The following EPPIN variants were observed in gnomAD, a reference collection of about 807,000 sequenced individuals.
EPPIN encodes WAP four-disulfide core domain protein 7.
A neutral mutation model predicts 18.8 loss-of-function variants in EPPIN; 14 were observed. That is an observed-to-expected ratio of 0.75 (90% CI 0.49 to 1.17). The LOEUF (loss-of-function observed/expected upper bound fraction) is 1.17, where lower values mean the gene tolerates loss of function less well. Ranked by LOEUF, EPPIN falls within the 50% of genes most tolerant of loss-of-function variation. The pLI is 0.00. For missense variants in EPPIN, 143 were observed against 154.2 expected (o/e 0.93, Z 0.39); for synonymous variants, 57 against 54.8 (o/e 1.04, Z -0.18).
chr20:45,546,414 A>G (rs2145554417), intron 1 of EPPIN: 1 of 152,568 alleles, frequency 6.6e-6, no homozygotes, highest in South Asian at 2.1e-4. Context: ...GTGAGAAAAC[A>G]ATGAGACAAA....
Position 45,547,023 on chromosome 20 carries a change from C to A in EPPIN, c.91+244G>T, listed in dbSNP as rs1414181404. On this transcript the variant is annotated intron_variant, in intron 1 of 3. Coordinates refer to ENST00000354280, the MANE Select transcript of EPPIN (RefSeq NM_020398.4). ...GAAAGCTAGATCCTGTGACTCTCCT[C>A]CACCTGCTTGATAAAGACCCTCCAC... 1.3e-5 allele frequency among the ~76,000 whole-genome samples: 2 copies of A among 152,122 alleles called. 1 individual carries two copies. Among genetic ancestry groups the A allele is most frequent in the East Asian group, 3.9e-4 (2 of 5,166 alleles).
chr20:45,546,164 A>G (rs926006608), intron 1 of EPPIN: 53 of 282,330 alleles, frequency 1.9e-4, no homozygotes, highest in Non-Finnish European at 3.2e-4. Flanking sequence ...AGGCACTGCA[A>G]AGGTCCCCTG....
At chr20:45,542,984 T>C in intron 2 of EPPIN, 117 bp from the exon 3 acceptor site, 26 of 1,434,244 alleles carry the variant, frequency 1.8e-5, no homozygotes, top group Non-Finnish European at 2.3e-5. Flanking sequence ...TTTTCTCTTA[T>C]CACATGGCAG....
At position 45,542,800 on chromosome 20, in the gene EPPIN, C is replaced by T; in HGVS notation, c.291G>A (p.Lys97=). 1 of 1,613,998 alleles carries T rather than the reference C, an allele frequency of 6.2e-7. No homozygotes were observed. Among genetic ancestry groups the T allele is most frequent in the South Asian group, 1.1e-5 (1 of 91,060 alleles). The change falls in exon 3 of 4, where the codon AAG becomes AAA. Residue 97 remains lysine (K), a synonymous_variant. Coordinates refer to ENST00000354280, the MANE Select transcript of EPPIN (RefSeq NM_020398.4). ...CAAACATGGAGCAAGTATTATCTTT[C>T]TTGTCATACCACCAATGAAGAAAAT... ...LAYFLHWWYD[K]KDNTCSMFVY... is the part of the protein sequence containing the mutation.
At chr20:45,543,249 A>T (rs1299630545) in intron 2 of EPPIN, 1 of 162,516 alleles carries the variant, frequency 6.2e-6, no homozygotes, top group Non-Finnish European at 1.3e-5. Flanking sequence ...GCCAAAGAAC[A>T]CCAAAGATTG....
At chr20:45,543,039 C>T in intron 2 of EPPIN, 172 bp from the exon 3 acceptor site, 6 of 1,054,700 alleles carry the variant, frequency 5.7e-6, no homozygotes, top group Non-Finnish European at 7.8e-6. Context: ...CAAGGAGACC[C>T]CAGAGTGGGC....
rs1732894357 is a variant in EPPIN, at chr20:45,542,771, T to C, written c.320A>G (p.Tyr107Cys). 1.2e-6 allele frequency: 2 copies of C among 1,613,872 alleles called. No homozygotes were observed. Among genetic ancestry groups the C allele is most frequent in the Non-Finnish European group, 1.7e-6 (2 of 1,179,898 alleles). The change falls in exon 3 of 4, where the codon TAT becomes TGT. Residue 107 changes from tyrosine (Y) to cysteine (C), a missense_variant. Transcript: ENST00000354280. ...KKDNTCSMFVYGGCQGNNNNF... is the reference protein window; with the variant it reads ...KKDNTCSMFVCGGCQGNNNNF... ...GTTATTGTTTCCCTGGCAGCCACCA[T>C]AGACAAACATGGAGCAAGTATTATC...
chr20:45,542,375 G>T, intron 3 of EPPIN: 1 of 666,374 alleles, frequency 1.5e-6, no homozygotes, highest in Non-Finnish European at 2.5e-6. Context: ...GTTGGTCAAC[G>T]TGTCTTAAGT....
chr20:45,543,855 A>T (rs535135884), intron 2 of EPPIN: 2 of 152,752 alleles, frequency 1.3e-5, no homozygotes, highest in East Asian at 3.9e-4. Flanking sequence ...GCAGTACTCA[A>T]CACACCGTGC....
intron 1 of EPPIN, 50 bp downstream of exon 1, chr20:45,547,216 CT>C: frequency 6.2e-7 from 1 of 1,611,852 alleles, no homozygotes; most frequent in Middle Eastern, 1.7e-4. Flanking sequence ...CTGTTCCTTC[CT>C]CCCAGCAAAC....
chr20:45,547,114 A>C (rs1341087845), intron 1 of EPPIN, among the ~76,000 whole-genome samples, 153 bp downstream of exon 1: 1 of 152,168 alleles, frequency 6.6e-6, no homozygotes, highest in Admixed American at 6.5e-5. Flanking sequence ...GGAATCTTAC[A>C]CAGGAGGGAT....
chr20:45,543,037 C>T (rs1026368700), intron 2 of EPPIN, 170 bp from the exon 3 acceptor site: 3 of 1,087,816 alleles, frequency 2.8e-6, no homozygotes, highest in Non-Finnish European at 3.7e-6. Context: ...TGCAAGGAGA[C>T]CCCAGAGTGG....
chr20:45,546,064 C>T, intron 1 of EPPIN: 1 of 478,770 alleles, frequency 2.1e-6, no homozygotes, highest in East Asian at 3.1e-5. Context: ...GGGGGCTGAA[C>T]TGGGGATTGT....
chr20:45,542,921 AGTT>A (rs1321163197), intron 2 of EPPIN, 54 bp from the exon 3 acceptor site: 5 of 1,553,382 alleles, frequency 3.2e-6, no homozygotes, highest in South Asian at 1.3e-5. Flanking sequence ...AGAAATAAAC[AGTT>A]GTTATTATTC....
At chr20:45,546,981 C>T (rs1336383092) in intron 1 of EPPIN, among the ~76,000 whole-genome samples, 1 of 151,998 alleles carries the variant, frequency 6.6e-6, no homozygotes, top group Non-Finnish European at 1.5e-5. Context: ...TTCCCGGATT[C>T]CTGTAGCGAC....
intron 1 of EPPIN, 48 bp from the exon 2 acceptor site, chr20:45,545,818 T>C (rs1979805531): frequency 1.9e-6 from 3 of 1,598,796 alleles, no homozygotes. Flanking sequence ...GAGCATAGTG[T>C]CTCCCCACTT....
At chr20:45,542,948 C>T (rs1979666947) in intron 2 of EPPIN, 81 bp from the exon 3 acceptor site, 1 of 1,521,402 alleles carries the variant, frequency 6.6e-7, no homozygotes, top group Non-Finnish European at 8.8e-7. Flanking sequence ...CTGGCAACTG[C>T]TATAGAAGAA....
At chr20:45,542,657 A>G in intron 3 of EPPIN, 43 bp downstream of exon 3, 1 of 1,590,940 alleles carries the variant, frequency 6.3e-7, no homozygotes. Flanking sequence ...ACCTCCCGGC[A>G]TGGGACTGGA....
At chr20:45,546,126 C>CA (rs1051316895) in intron 1 of EPPIN, 1 of 352,632 alleles carries the variant, frequency 2.8e-6, no homozygotes, top group African/African-American at 2.1e-5. Flanking sequence ...CAGTAGCACC[C>CA]CTGATTGTAA....
Sources: gnomAD v4.1 joint callset for allele counts (sites outside exome capture counted in the v4.1 genomes callset) on GRCh38, gnomAD v4.1.1 for gene constraint, MANE v1.5 for transcripts, NCBI Gene and HGNC (gene_info 2026-07-23, HGNC 2026-07-21) for gene names.